Variants in GRIK1 observed in about 807,000 individuals in gnomAD.
GRIK1 encodes the protein glutamate receptor ionotropic, kainate 1.
A neutral mutation model predicts 105.7 loss-of-function variants in GRIK1; 69 were observed. The observed-to-expected ratio is 0.65, with a 90% CI of 0.54 to 0.80. GRIK1 has a LOEUF of 0.80. Ranked by LOEUF, GRIK1 falls within the 30% of genes least tolerant of loss-of-function variation. GRIK1 has a pLI of 0.00. For missense variants in GRIK1, 1,109 were observed against 1,167.3 expected (o/e 0.95, Z 0.73); for synonymous variants, 438 against 431.3 (o/e 1.02, Z -0.19).
At chr21:29,771,841 G>A (rs1345393655) in intron 1 of GRIK1, among the ~76,000 whole-genome samples, 1 of 152,164 alleles carries the variant, frequency 6.6e-6, no homozygotes, top group African/African-American at 2.4e-5. Flanking sequence ...AAGACTCTGG[G>A]AGCTCCTCCC....
At chr21:29,658,763 G>A (rs998171738) in intron 4 of GRIK1, among the ~76,000 whole-genome samples, 2 of 152,154 alleles carry the variant, frequency 1.3e-5, no homozygotes, top group African/African-American at 2.4e-5. Context: ...CCAACTCAAA[G>A]GGTACATACT....
intron 1 of GRIK1, among the ~76,000 whole-genome samples, chr21:29,931,045 A>G (rs574776523): frequency 3.5e-4 from 54 of 152,238 alleles, no homozygotes; most frequent in Non-Finnish European, 3.1e-4. Flanking sequence ...CTGAGAATAC[A>G]GTACCAAGTT....
intron 1 of GRIK1, among the ~76,000 whole-genome samples, chr21:29,938,158 T>C (rs973158526): frequency 6.6e-6 from 1 of 152,232 alleles, no homozygotes; most frequent in African/African-American, 2.4e-5. Context: ...AGAGCTAGTA[T>C]AGTAACTGAG....
intron 14 of GRIK1, among the ~76,000 whole-genome samples, chr21:29,563,428 A>C (rs1448824302): frequency 6.6e-6 from 1 of 152,154 alleles, no homozygotes; most frequent in Admixed American, 6.5e-5. Context: ...ACAATTCAAT[A>C]AACAGTACCT....
rs139206707 is a variant in GRIK1, at chr21:29,697,928, CTCTT to C, written c.119-3869_119-3866del. 2.8e-3 allele frequency among the ~76,000 whole-genome samples: 416 copies of C among 145,966 alleles called. 4 individuals carry two copies. Among genetic ancestry groups the C allele is most frequent in the Admixed American group, 5.0e-3 (73 of 14,460 alleles). ...TTTCTTTCTTTCTTTCTCTCTCTCT[CTCTT>C]TCTTTCTTTCTTTCTTTTTTCTTTC... is the stretch of plus-strand genomic sequence containing the variant. On this transcript the variant is annotated intron_variant, in intron 1 of 17. Transcript: ENST00000327783.
intron 1 of GRIK1, among the ~76,000 whole-genome samples, chr21:29,906,769 T>C (rs1329397248): frequency 6.6e-6 from 1 of 152,166 alleles, no homozygotes; most frequent in Admixed American, 6.5e-5. Flanking sequence ...TAGGCTCATG[T>C]TCTTGAATTA....
intron 1 of GRIK1, among the ~76,000 whole-genome samples, chr21:29,868,520 C>T (rs1601898637): frequency 6.6e-6 from 1 of 151,742 alleles, no homozygotes; most frequent in Admixed American, 6.6e-5. Flanking sequence ...CCCTTCATCA[C>T]CTACTTCCTG....
chr21:29,765,685 G>T (rs968798477), intron 1 of GRIK1, among the ~76,000 whole-genome samples: 23 of 152,072 alleles, frequency 1.5e-4, no homozygotes, highest in Non-Finnish European at 2.1e-4. Flanking sequence ...CTAAGAGGGA[G>T]GAAGTAGAGC....
intron 3 of GRIK1, among the ~76,000 whole-genome samples, chr21:29,687,405 CCACT>C (rs1279295518): frequency 6.6e-6 from 1 of 152,088 alleles, no homozygotes; most frequent in Non-Finnish European, 1.5e-5. Context: ...AGTATAAAAC[CCACT>C]CACAGTCACA....
chr21:29,811,383 A>G (rs2067005427), intron 1 of GRIK1, among the ~76,000 whole-genome samples: 1 of 152,128 alleles, frequency 6.6e-6, no homozygotes, highest in African/African-American at 2.4e-5. Flanking sequence ...CCTTTTAGGG[A>G]TCACATTTTC....
At chr21:29,682,662 C>A (rs779143980) in intron 3 of GRIK1, among the ~76,000 whole-genome samples, 3 of 152,096 alleles carry the variant, frequency 2.0e-5, no homozygotes, top group Non-Finnish European at 4.4e-5. Context: ...AGTGTAAGAC[C>A]TCAAACTACA....
At chr21:29,780,645 A>C (rs1266624853) in intron 1 of GRIK1, among the ~76,000 whole-genome samples, 2 of 152,244 alleles carry the variant, frequency 1.3e-5, no homozygotes, top group Non-Finnish European at 2.9e-5. Context: ...AATTAGGGCA[A>C]GAATCTCTTG....
At chr21:29,844,737 G>C (rs987141236) in intron 1 of GRIK1, among the ~76,000 whole-genome samples, 1 of 152,056 alleles carries the variant, frequency 6.6e-6, no homozygotes, top group South Asian at 2.1e-4. Context: ...GTTTTGGCGA[G>C]TTATAGTACG....
chr21:29,812,526 G>A (rs2067038925), intron 1 of GRIK1, among the ~76,000 whole-genome samples: 1 of 152,212 alleles, frequency 6.6e-6, no homozygotes, highest in East Asian at 1.9e-4. Flanking sequence ...ATAGCTACAT[G>A]TTCTAACATC....
intron 1 of GRIK1, among the ~76,000 whole-genome samples, chr21:29,883,127 A>T (rs930704474): frequency 6.6e-6 from 1 of 152,106 alleles, no homozygotes; most frequent in Non-Finnish European, 1.5e-5. Flanking sequence ...ATCTGGAAGC[A>T]GTATTTAATA....
At chr21:29,671,215 C>G (rs1167986863) in intron 4 of GRIK1, among the ~76,000 whole-genome samples, 1 of 152,048 alleles carries the variant, frequency 6.6e-6, no homozygotes, top group East Asian at 1.9e-4. Flanking sequence ...CTCCACCTCC[C>G]AGGTTCAAGT....
At chr21:29,614,718 C>T (rs2061807377) in intron 7 of GRIK1, among the ~76,000 whole-genome samples, 1 of 151,206 alleles carries the variant, frequency 6.6e-6, no homozygotes, top group South Asian at 2.1e-4. Flanking sequence ...CAGCCCCCAC[C>T]TTTCTAATAT....
At chr21:29,851,979 C>T (rs567843951) in intron 1 of GRIK1, among the ~76,000 whole-genome samples, 2 of 152,268 alleles carry the variant, frequency 1.3e-5, no homozygotes, top group Admixed American at 1.3e-4. Context: ...CATATCAGTG[C>T]CATCTTTGAT....
intron 1 of GRIK1, among the ~76,000 whole-genome samples, chr21:29,828,185 C>A (rs953856076): frequency 6.6e-6 from 1 of 151,858 alleles, no homozygotes; most frequent in Non-Finnish European, 1.5e-5. Flanking sequence ...ATTCTGCTTC[C>A]TTCTATTGGT....
Sources: gnomAD v4.1 joint callset for allele counts (sites outside exome capture counted in the v4.1 genomes callset) on GRCh38, gnomAD v4.1.1 for gene constraint, MANE v1.5 for transcripts, NCBI Gene and HGNC (gene_info 2026-07-23, HGNC 2026-07-21) for gene names.